NTM: variants seen among roughly 807,000 people sequenced by gnomAD.
NTM encodes the protein IgLON family member 2.
Under a neutral mutation model 42.1 loss-of-function variants are expected in NTM, and 13 were observed. That is an observed-to-expected ratio of 0.31 (90% CI 0.20 to 0.49). NTM has a LOEUF of 0.49. NTM is among the 20% of genes least tolerant of loss of function. The pLI, the probability that NTM is intolerant of heterozygous loss-of-function variation, is 0.99. For synonymous variants in NTM, 187 were observed against 179.2 expected (o/e 1.04, Z -0.35); for missense variants, 373 against 452.8 (o/e 0.82, Z 1.60).
At chr11:131,427,588 C>T (rs898490913) in intron 1 of NTM, among the ~76,000 whole-genome samples, 3 of 152,216 alleles carry the variant, frequency 2.0e-5, no homozygotes, top group African/African-American at 7.2e-5. Flanking sequence ...CTTAATGCCT[C>T]CTGTCCCTCG....
At chr11:132,122,494 C>T (rs781523176) in intron 2 of NTM, among the ~76,000 whole-genome samples, 2 of 152,296 alleles carry the variant, frequency 1.3e-5, no homozygotes, top group South Asian at 2.1e-4. Flanking sequence ...TGTCAGAGTT[C>T]GTGAGTTTTT....
chr11:131,867,681 T>C (rs957547891), intron 1 of NTM, among the ~76,000 whole-genome samples: 2 of 152,080 alleles, frequency 1.3e-5, no homozygotes, highest in African/African-American at 2.4e-5. Context: ...TTTCTTCATA[T>C]GTATGTCTGT....
intron 8 of NTM, among the ~76,000 whole-genome samples, chr11:132,331,818 T>C (rs574170610): frequency 1.2e-4 from 19 of 152,144 alleles, no homozygotes; most frequent in Admixed American, 5.9e-4. Flanking sequence ...AAGAGTGATA[T>C]GGGTGAGACA....
chr11:131,777,927 G>A (rs962594898), intron 1 of NTM, among the ~76,000 whole-genome samples: 1 of 152,190 alleles, frequency 6.6e-6, no homozygotes, highest in African/African-American at 2.4e-5. Flanking sequence ...ATGCTTGCAT[G>A]GTGAGGGACA....
chr11:131,685,860 A>G (rs1372519034), intron 1 of NTM, among the ~76,000 whole-genome samples: 6 of 152,182 alleles, frequency 3.9e-5, no homozygotes, highest in African/African-American at 1.4e-4. Context: ...GACACTCAAT[A>G]TATAAGTTTT....
chr11:131,544,499 A>G (rs1592000779), intron 1 of NTM, among the ~76,000 whole-genome samples: 1 of 151,330 alleles, frequency 6.6e-6, no homozygotes. Context: ...GCCTTTACTC[A>G]TCCTCTATCC....
intron 4 of NTM, among the ~76,000 whole-genome samples, chr11:132,290,300 C>A (rs2094413564): frequency 1.3e-5 from 2 of 151,460 alleles, no homozygotes; most frequent in Non-Finnish European, 2.9e-5. Context: ...TAATTTTAAA[C>A]ACCATCAGTG....
chr11:131,887,693 G>A (rs905385089), intron 1 of NTM, among the ~76,000 whole-genome samples: 10 of 152,080 alleles, frequency 6.6e-5, no homozygotes, highest in African/African-American at 2.2e-4. Context: ...TGCTCCCATC[G>A]CACTGTAGGT....
chr11:132,136,268 C>T (rs1364655745), intron 2 of NTM, among the ~76,000 whole-genome samples: 1 of 152,214 alleles, frequency 6.6e-6, no homozygotes, highest in African/African-American at 2.4e-5. Context: ...TGGAGGATGC[C>T]AGTCCACTCA....
intron 1 of NTM, among the ~76,000 whole-genome samples, chr11:131,667,103 G>A (rs1344671081): frequency 6.6e-6 from 1 of 152,184 alleles, no homozygotes. Flanking sequence ...TTCAGGGCTG[G>A]CTTATTGGAT....
At chr11:132,068,119 G>A (rs1019043689) in intron 2 of NTM, among the ~76,000 whole-genome samples, 3 of 152,150 alleles carry the variant, frequency 2.0e-5, no homozygotes, top group Admixed American at 6.5e-5. Context: ...CTAGCAACAG[G>A]GTGTTCAGTC....
intron 1 of NTM, among the ~76,000 whole-genome samples, chr11:131,704,315 C>T (rs749750705): frequency 6.6e-6 from 1 of 152,130 alleles, no homozygotes; most frequent in African/African-American, 2.4e-5. Flanking sequence ...TCTAGTCTTG[C>T]CCTCACAGAT....
chr11:131,761,298 A>C (rs2084132659), intron 1 of NTM, among the ~76,000 whole-genome samples: 2 of 152,078 alleles, frequency 1.3e-5, no homozygotes, highest in South Asian at 2.1e-4. Context: ...CAGAGGGCTG[A>C]AGTCATTTAG....
At chr11:132,216,471 C>T (rs2083886859) in intron 4 of NTM, among the ~76,000 whole-genome samples, 1 of 152,138 alleles carries the variant, frequency 6.6e-6, no homozygotes, top group African/African-American at 2.4e-5. Context: ...TTACCTTCAC[C>T]TTTCTGTCAT....
chr11:132,111,407 T>A (rs751503250), intron 2 of NTM, among the ~76,000 whole-genome samples: 27 of 152,266 alleles, frequency 1.8e-4, no homozygotes, highest in Non-Finnish European at 2.5e-4. Context: ...GTCAAAAAAT[T>A]TTCAGCACAA....
chr11:132,136,019 A>G (rs542942028), intron 2 of NTM, among the ~76,000 whole-genome samples: 2 of 151,920 alleles, frequency 1.3e-5, no homozygotes, highest in South Asian at 2.1e-4. Flanking sequence ...AATTACTCAC[A>G]TTTTCTTGTT....
intron 1 of NTM, among the ~76,000 whole-genome samples, chr11:131,796,473 C>A (rs984065355): frequency 8.5e-5 from 13 of 152,220 alleles, no homozygotes; most frequent in African/African-American, 2.4e-4. Flanking sequence ...TATGAAGGGC[C>A]TTTGCAGGGA....
intron 3 of NTM, among the ~76,000 whole-genome samples, chr11:132,156,873 AG>A (rs2073304277): frequency 6.6e-6 from 1 of 152,200 alleles, no homozygotes. Context: ...TACAAAAGGG[AG>A]GCAGAGGAAG....
chr11:132,074,673 T>A (rs908646491), intron 2 of NTM, among the ~76,000 whole-genome samples: 2 of 152,112 alleles, frequency 1.3e-5, no homozygotes, highest in Non-Finnish European at 2.9e-5. Flanking sequence ...AAACACTAAA[T>A]GTCCACTGCT....
Sources: gnomAD v4.1 joint callset for allele counts (sites outside exome capture counted in the v4.1 genomes callset) on GRCh38, gnomAD v4.1.1 for gene constraint, MANE v1.5 for transcripts, NCBI Gene and HGNC (gene_info 2026-07-23, HGNC 2026-07-21) for gene names.